The following VPS8 variants were observed in gnomAD, a reference collection of about 807,000 sequenced individuals.
VPS8 encodes vacuolar protein sorting-associated protein 8 homolog.
In VPS8, 129 loss-of-function variants were observed where a neutral mutation model predicts 216.4. That is an observed-to-expected ratio of 0.60 (90% CI 0.52 to 0.69). The LOEUF is 0.69. Among genes scored for constraint, VPS8 ranks in the 30% least tolerant of loss-of-function variants. The pLI, the probability that VPS8 is intolerant of heterozygous loss-of-function variation, is 0.00. For missense variants in VPS8, 1,531 were observed against 1,683.5 expected, an observed-to-expected ratio of 0.91 and a Z score of 1.59; for synonymous variants, 571 against 565.4, an observed-to-expected ratio of 1.01 and a Z score of -0.14.
intron 21 of VPS8, among the ~76,000 whole-genome samples, chr3:184,873,323 C>T (rs1282460783): frequency 1.3e-5 from 2 of 152,032 alleles, no homozygotes; most frequent in Non-Finnish European, 2.9e-5. Context: ...ATTTTAAGAG[C>T]AAGCACAGGG....
At chr3:184,928,185 G>T (rs574063164) in intron 31 of VPS8, among the ~76,000 whole-genome samples, 1 of 152,302 alleles carries the variant, frequency 6.6e-6, no homozygotes, top group South Asian at 2.1e-4. Flanking sequence ...TCAGCTCAAT[G>T]TCTAATAGGG....
rs139796852 is a variant in VPS8, at chr3:184,934,778, G to A, written c.2899-1468G>A. 1.4e-4 allele frequency among the ~76,000 whole-genome samples: 22 copies of A among 152,180 alleles called. No homozygotes were observed. In the East Asian group the frequency reaches 4.1e-3, roughly 28 times the overall value. On this transcript the variant is annotated intron_variant, in intron 34 of 47. Transcript: ENST00000625842. ...GCTGAATTTCATTTTTATTTAGGAT[G>A]TTTATATCAATATTTGTGATTCAGA...
chr3:185,020,609 C>G (rs1756511664), intron 45 of VPS8, among the ~76,000 whole-genome samples: 1 of 152,070 alleles, frequency 6.6e-6, no homozygotes, highest in Non-Finnish European at 1.5e-5. Context: ...TAACTGAGAC[C>G]TCAGGTGCAC....
chr3:184,882,703 T>G (rs1180903249), intron 21 of VPS8, among the ~76,000 whole-genome samples: 1 of 152,112 alleles, frequency 6.6e-6, no homozygotes, highest in African/African-American at 2.4e-5. Flanking sequence ...GATTTATTTT[T>G]GGGGGATTTT....
At chr3:184,886,723 GC>G (rs1412834074) in intron 22 of VPS8, among the ~76,000 whole-genome samples, 1 of 152,034 alleles carries the variant, frequency 6.6e-6, no homozygotes, top group African/African-American at 2.4e-5. Flanking sequence ...GGTATTACAG[GC>G]ATGCACTGCC....
At chr3:184,890,037 T>G (rs1430076267) in intron 22 of VPS8, among the ~76,000 whole-genome samples, 1 of 152,150 alleles carries the variant, frequency 6.6e-6, no homozygotes, top group East Asian at 1.9e-4. Flanking sequence ...TTTCTTAGAG[T>G]TGCCATAGAT....
intron 3 of VPS8, among the ~76,000 whole-genome samples, chr3:184,828,542 GCTT>G (rs1719306891): frequency 6.6e-6 from 1 of 151,666 alleles, no homozygotes; most frequent in Non-Finnish European, 1.5e-5. Flanking sequence ...TTGAAACTAT[GCTT>G]CTTCTGAGAT....
chr3:184,839,441 T>G, intron 6 of VPS8: 1 of 382,662 alleles, frequency 2.6e-6, no homozygotes, highest in Non-Finnish European at 4.6e-6. Context: ...GGAAGCTAAG[T>G]GGCATGTTAT....
At chr3:184,884,574 G>T (rs922988813) in intron 21 of VPS8, among the ~76,000 whole-genome samples, 1 of 152,154 alleles carries the variant, frequency 6.6e-6, no homozygotes, top group East Asian at 1.9e-4. Context: ...TCTGAGCCCA[G>T]GCTAAGACAG....
At chr3:184,952,255 T>C (rs1374459977) in intron 36 of VPS8, among the ~76,000 whole-genome samples, 1 of 151,974 alleles carries the variant, frequency 6.6e-6, no homozygotes, top group African/African-American at 2.4e-5. Context: ...TTGATTCCTC[T>C]GATAATAAGA....
At chr3:184,891,602 T>C (rs1182161574) in intron 22 of VPS8, among the ~76,000 whole-genome samples, 2 of 152,194 alleles carry the variant, frequency 1.3e-5, no homozygotes, top group African/African-American at 2.4e-5. Flanking sequence ...TATTCACAGC[T>C]GTGTAAGTAT....
intron 1 of VPS8, 179 bp from the exon 2 acceptor site, chr3:184,824,365 CT>C: frequency 3.1e-6 from 1 of 327,048 alleles, no homozygotes; most frequent in Non-Finnish European, 5.7e-6. Context: ...CTCCTTTATG[CT>C]CTCATTGAAA....
At chr3:185,006,034 T>A (rs1754205829) in intron 45 of VPS8, among the ~76,000 whole-genome samples, 1 of 152,248 alleles carries the variant, frequency 6.6e-6, no homozygotes, top group Non-Finnish European at 1.5e-5. Flanking sequence ...TTTCTGGGGC[T>A]ATCCCATTCT....
rs757578129 is a variant in VPS8, at chr3:184,971,731, T to C, written c.3399T>C (p.Asn1133=). The change falls in exon 40 of 48, where the codon AAT becomes AAC. Residue 1133 remains asparagine, a synonymous_variant. Transcript: ENST00000625842. The part of the protein sequence containing the change: ...TIALCQRNSH[N]LNQQQREALW... Reference sequence around the variant, plus strand: ...CTCTTTGCCAGAGAAATTCACATAATTTGAACCAGCAGCAACGTGAGGTAG... The same window carrying C: ...CTCTTTGCCAGAGAAATTCACATAACTTGAACCAGCAGCAACGTGAGGTAG... 2 of 1,613,150 alleles carry C rather than the reference T, an allele frequency of 1.2e-6. No homozygotes were observed. The highest frequency in any genetic ancestry group is 2.2e-5 in the East Asian group (1 of 44,832).
chr3:184,873,575 A>C (rs1386025169), intron 21 of VPS8, among the ~76,000 whole-genome samples: 1 of 152,130 alleles, frequency 6.6e-6, no homozygotes, highest in Non-Finnish European at 1.5e-5. Context: ...AAAGCTAATA[A>C]ATGAGAGAGC....
chr3:184,932,893 A>T (rs62289462), intron 34 of VPS8, among the ~76,000 whole-genome samples: 14,291 of 152,282 alleles, frequency 0.094, 722 homozygotes, highest in South Asian at 0.13. Flanking sequence ...AGTTTTAACT[A>T]TTAAGAACAG....
At chr3:184,835,913 G>A (rs1720991164) in intron 5 of VPS8, among the ~76,000 whole-genome samples, 2 of 151,882 alleles carry the variant, frequency 1.3e-5, no homozygotes, top group Non-Finnish European at 2.9e-5. Context: ...GTTTCAACGT[G>A]TTAGCCAGGA....
intron 46 of VPS8, among the ~76,000 whole-genome samples, chr3:185,038,810 G>A (rs1759248792): frequency 6.6e-6 from 1 of 152,146 alleles, no homozygotes; most frequent in African/African-American, 2.4e-5. Context: ...GCAGCCTCAG[G>A]TGAGAGCCTA....
chr3:185,015,482 T>G (rs1394566757), intron 45 of VPS8, among the ~76,000 whole-genome samples: 4 of 152,212 alleles, frequency 2.6e-5, no homozygotes, highest in African/African-American at 9.7e-5. Flanking sequence ...CAATTACAGC[T>G]ACAAGCTCCA....
Sources: allele counts gnomAD v4.1 joint callset (sites outside exome capture counted in the v4.1 genomes callset), GRCh38; gene constraint gnomAD v4.1.1; transcripts MANE v1.5; gene names NCBI Gene and HGNC (gene_info 2026-07-23, HGNC 2026-07-21).